C2CD5: variants seen among roughly 807,000 people sequenced by gnomAD.
C2CD5 encodes the protein C2 calcium dependent domain containing 5, also known as C2 domain-containing protein 5.
C2CD5 carries 109 observed loss-of-function variants against 130.3 expected under a neutral mutation model. The observed-to-expected ratio is 0.84, with a 90% CI of 0.72 to 0.98. The LOEUF (loss-of-function observed/expected upper bound fraction) is 0.98, where lower values mean the gene tolerates loss of function less well. C2CD5 is among the 50% of genes least tolerant of loss of function. The pLI is 0.00. For synonymous variants in C2CD5, 454 were observed against 429.2 expected, an observed-to-expected ratio of 1.06 and a Z score of -0.71; for missense variants, 996 against 1,261.8, an observed-to-expected ratio of 0.79 and a Z score of 3.19.
intron 22 of C2CD5, among the ~76,000 whole-genome samples, chr12:22,461,064 T>G (rs1236200956): frequency 4.6e-5 from 7 of 152,152 alleles, no homozygotes; most frequent in Non-Finnish European, 8.8e-5. Flanking sequence ...TTCAGGATCT[T>G]GAGAGACTTT....
rs1270816438 is a variant in C2CD5, at chr12:22,524,493, T to C, written c.580A>G (p.Arg194Gly). 9 of 1,613,566 alleles carry C rather than the reference T, an allele frequency of 5.6e-6. No homozygotes were observed. The highest frequency in any genetic ancestry group is 7.6e-6 in the Non-Finnish European group (9 of 1,179,766). ...TPRASNEARQ[R>G]LISLMSGELQ... is the part of the protein sequence containing the mutation. ...ATACCTGACATTAACGAAATGAGTC[T>C]CTGTCTGGCCTCATTTGATGCCCTT... is the stretch of plus-strand genomic sequence containing the variant. The change falls in exon 6 of 27, where the codon AGA (arginine) becomes GGA (glycine). Residue 194 changes from arginine to glycine, a missense_variant. Physicochemically the swap from Arg to Gly is moderately radical, Grantham distance 125. This residue lies in a region of C2CD5 where 26 missense variants were observed against 56.6 expected (regional missense o/e 0.46). Coordinates refer to ENST00000446597, the MANE Select transcript of C2CD5 (RefSeq NM_001286176.2).
At chr12:22,465,816 CATAA>C (rs751490698) in intron 22 of C2CD5, among the ~76,000 whole-genome samples, 1 of 151,980 alleles carries the variant, frequency 6.6e-6, no homozygotes, top group Non-Finnish European at 1.5e-5. Flanking sequence ...CTTGAATAAA[CATAA>C]ATAATTTATG....
intron 7 of C2CD5, among the ~76,000 whole-genome samples, chr12:22,520,578 GTTTTGT>G: frequency 1.3e-5 from 2 of 152,132 alleles, no homozygotes; most frequent in East Asian, 3.9e-4. Context: ...AATGAGTAAG[GTTTTGT>G]TTTTGTTTTT....
chr12:22,523,950 T>C (rs982341806), intron 6 of C2CD5, among the ~76,000 whole-genome samples: 1 of 152,052 alleles, frequency 6.6e-6, no homozygotes, highest in African/African-American at 2.4e-5. Flanking sequence ...TATACACATA[T>C]AACTCTTAAT....
chr12:22,524,648 GCTT>G (rs1439719202), intron 5 of C2CD5, 21 bp from the exon 6 acceptor site: 8 of 1,587,080 alleles, frequency 5.0e-6, no homozygotes, highest in Non-Finnish European at 6.0e-6. Flanking sequence ...AAATTATTAT[GCTT>G]CTGTTTATCA....
chr12:22,539,110 GTTGCCTATTCATACTC>G (rs755449563), intron 2 of C2CD5, among the ~76,000 whole-genome samples: 3 of 152,014 alleles, frequency 2.0e-5, no homozygotes, highest in Non-Finnish European at 4.4e-5. Flanking sequence ...TCTTGAAACA[GTTGCCTATTCATACTC>G]TTTCTACTTC....
intron 22 of C2CD5, 38 bp downstream of exon 22, chr12:22,469,671 C>T: frequency 7.7e-7 from 1 of 1,293,184 alleles, no homozygotes; most frequent in Non-Finnish European, 1.1e-6. Context: ...GAACTAGAAA[C>T]CAGGATTTGT....
intron 2 of C2CD5, among the ~76,000 whole-genome samples, chr12:22,539,550 G>C (rs1009623463): frequency 3.9e-5 from 6 of 151,938 alleles, no homozygotes; most frequent in Non-Finnish European, 8.8e-5. Flanking sequence ...GACATTTCTA[G>C]CAGTGGTTTT....
chr12:22,541,970 T>C (rs1952433831), intron 2 of C2CD5, among the ~76,000 whole-genome samples: 1 of 152,122 alleles, frequency 6.6e-6, no homozygotes, highest in East Asian at 1.9e-4. Context: ...AAGGAAGTAA[T>C]AAGTAACCCC....
intron 7 of C2CD5, among the ~76,000 whole-genome samples, chr12:22,518,729 A>G (rs1017805262): frequency 5.3e-5 from 8 of 152,240 alleles, no homozygotes; most frequent in African/African-American, 1.9e-4. Flanking sequence ...TTTTGTATAT[A>G]AAGAAAATAA....
At position 22,496,086 on chromosome 12, in the gene C2CD5, G is replaced by A. The variant is rs141493733; in HGVS notation, c.1148-2749C>T. ...AAATTTTTGGCTACTAAATTTAGGG[G>A]GCATTTAATTAAAACAAAATTAAGA... On this transcript the variant is annotated intron_variant, in intron 10 of 26. Transcript: ENST00000446597. 9.3e-4 allele frequency among the ~76,000 whole-genome samples: 142 copies of A among 152,016 alleles called. 2 individuals are homozygous for A. The East Asian group carries it at 0.026, about 28-fold the overall frequency.
intron 22 of C2CD5, among the ~76,000 whole-genome samples, chr12:22,460,851 T>C (rs775810745): frequency 2.6e-5 from 4 of 152,170 alleles, no homozygotes; most frequent in Admixed American, 1.3e-4. Flanking sequence ...AGTGGTGGGA[T>C]TGCAGGTATG....
chr12:22,458,730 A>G, intron 23 of C2CD5, 145 bp from the exon 24 acceptor site: 3 of 379,702 alleles, frequency 7.9e-6, no homozygotes, highest in Non-Finnish European at 4.6e-6. Context: ...GATAAGAGAG[A>G]TAGTAAAGAG....
chr12:22,508,272 G>C (rs372745802), intron 9 of C2CD5, among the ~76,000 whole-genome samples: 14 of 152,240 alleles, frequency 9.2e-5, no homozygotes, highest in Middle Eastern at 3.4e-3. Flanking sequence ...AAAAATCTAT[G>C]CTATGTAAGA....
chr12:22,484,373 T>G (rs1286456319), intron 13 of C2CD5: 1 of 201,440 alleles, frequency 5.0e-6, no homozygotes, highest in Admixed American at 6.0e-5. Context: ...AGAGTCAACT[T>G]CTAAAATGTG....
intron 12 of C2CD5, 94 bp from the exon 13 acceptor site, chr12:22,484,982 G>T: frequency 2.0e-6 from 1 of 511,888 alleles, no homozygotes; most frequent in South Asian, 4.9e-5. Flanking sequence ...CACAGTACTT[G>T]TATACGAACT....
At chr12:22,488,401 T>C (rs1409362656) in intron 12 of C2CD5, among the ~76,000 whole-genome samples, 3 of 151,554 alleles carry the variant, frequency 2.0e-5, no homozygotes, top group Non-Finnish European at 4.4e-5. Flanking sequence ...ATAATTTTTA[T>C]AGCAGAAAGA....
At chr12:22,455,198 C>G (rs564144376) in intron 25 of C2CD5, among the ~76,000 whole-genome samples, 1 of 152,144 alleles carries the variant, frequency 6.6e-6, no homozygotes, top group African/African-American at 2.4e-5. Flanking sequence ...TTGCTTCAGC[C>G]TGCCTCCAAC....
intron 10 of C2CD5, among the ~76,000 whole-genome samples, chr12:22,494,645 ACTTT>A (rs1306509843): frequency 1.3e-5 from 2 of 152,102 alleles, no homozygotes; most frequent in African/African-American, 4.8e-5. Context: ...CTACCTTAAA[ACTTT>A]CTTTCAGAAG....
Sources: gnomAD v4.1 joint callset for allele counts (sites outside exome capture counted in the v4.1 genomes callset) on GRCh38, gnomAD v4.1.1 for gene constraint, gnomAD v4.1.1 regional missense constraint, MANE v1.5 for transcripts, NCBI Gene and HGNC (gene_info 2026-07-23, HGNC 2026-07-21) for gene names.